RIMS4: variants seen among roughly 807,000 people sequenced by gnomAD.
RIMS4 encodes regulating synaptic membrane exocytosis protein 4.
Under a neutral mutation model 29.0 loss-of-function variants are expected in RIMS4, and 9 were observed. The ratio of observed to expected loss-of-function variants is 0.31; its 90% CI spans 0.19 to 0.54. The LOEUF (loss-of-function observed/expected upper bound fraction) is 0.54, where lower values mean the gene tolerates loss of function less well. Ranked by LOEUF, RIMS4 falls within the 20% of genes least tolerant of loss-of-function variation. The pLI, the probability that RIMS4 is intolerant of heterozygous loss-of-function variation, is 0.94. For missense variants in RIMS4, 193 were observed against 365.7 expected (o/e 0.53, Z 3.85); for synonymous variants, 130 against 152.9 (o/e 0.85, Z 1.10).
intron 1 of RIMS4, among the ~76,000 whole-genome samples, chr20:44,784,227 G>A (rs746417433): frequency 1.4e-4 from 21 of 152,166 alleles, no homozygotes; most frequent in Non-Finnish European, 2.1e-4. Context: ...AAAGGCCCAC[G>A]GATGAAAACG....
chr20:44,800,468 G>A lies in RIMS4; in HGVS notation c.97+9707C>T, dbSNP rs193114775. On this transcript the variant is annotated intron_variant, in intron 1 of 5. Coordinates refer to ENST00000372851, the MANE Select transcript of RIMS4 (RefSeq NM_182970.4). ...CAGGGGTGCCCAGGACACTTCCCCC[G>A]GATATTTTTCATGTGTTTAAAATGT... Among the ~76,000 whole-genome samples the A allele has an allele frequency of 1.6e-4, 24 of 152,024 alleles. No homozygotes were observed. The East Asian group carries it at 2.9e-3, about 18-fold the overall frequency.
chr20:44,764,170 CCATCCATCCATCCATCCA>C (rs2066101309), intron 2 of RIMS4, among the ~76,000 whole-genome samples: 1 of 151,534 alleles, frequency 6.6e-6, no homozygotes, highest in Non-Finnish European at 1.5e-5. Context: ...ATCCATCCAT[CCATCCATCCATCCATCCA>C]TTTATCCATC....
chr20:44,804,345 T>G (rs2066289295), intron 1 of RIMS4, among the ~76,000 whole-genome samples: 1 of 152,146 alleles, frequency 6.6e-6, no homozygotes, highest in Admixed American at 6.5e-5. Flanking sequence ...TTGCTTGAGG[T>G]CAGAGCCAGA....
chr20:44,803,661 G>A (rs1267805705), intron 1 of RIMS4, among the ~76,000 whole-genome samples: 2 of 152,254 alleles, frequency 1.3e-5, no homozygotes, highest in South Asian at 4.1e-4. Flanking sequence ...AAGGGGAGGG[G>A]GGAGGAAGGA....
intron 1 of RIMS4, among the ~76,000 whole-genome samples, chr20:44,789,450 C>G (rs2066223249): frequency 6.6e-6 from 1 of 152,160 alleles, no homozygotes; most frequent in African/African-American, 2.4e-5. Flanking sequence ...GCACCCGCCA[C>G]CACACCCGGC....
At chr20:44,762,721 A>G (rs996360457) in intron 2 of RIMS4, among the ~76,000 whole-genome samples, 1 of 152,142 alleles carries the variant, frequency 6.6e-6, no homozygotes, top group Non-Finnish European at 1.5e-5. Flanking sequence ...ATAGGTTATC[A>G]CGTCCTCCTG....
At chr20:44,808,905 G>A (rs1428942885) in intron 1 of RIMS4, among the ~76,000 whole-genome samples, 2 of 152,166 alleles carry the variant, frequency 1.3e-5, no homozygotes, top group Non-Finnish European at 1.5e-5. Flanking sequence ...TTTGTGGATG[G>A]TGCATATATG....
At chr20:44,805,222 C>T (rs1385243645) in intron 1 of RIMS4, among the ~76,000 whole-genome samples, 1 of 152,112 alleles carries the variant, frequency 6.6e-6, no homozygotes, top group African/African-American at 2.4e-5. Flanking sequence ...GAGAGGATCA[C>T]TTGAGCCCGG....
intron 1 of RIMS4, among the ~76,000 whole-genome samples, chr20:44,808,937 T>C (rs1197529690): frequency 2.0e-5 from 3 of 152,202 alleles, no homozygotes; most frequent in African/African-American, 4.8e-5. Context: ...AGATAGTCCA[T>C]GTTTTCCTCA....
At chr20:44,787,022 C>A (rs142356280) in intron 1 of RIMS4, among the ~76,000 whole-genome samples, 1 of 152,238 alleles carries the variant, frequency 6.6e-6, no homozygotes, top group African/African-American at 2.4e-5. Context: ...CAGACAAATA[C>A]AGAAAGATAG....
chr20:44,801,598 G>A (rs1029313570), intron 1 of RIMS4, among the ~76,000 whole-genome samples: 8 of 152,170 alleles, frequency 5.3e-5, no homozygotes, highest in African/African-American at 1.9e-4. Context: ...CGAAAAAGGA[G>A]CTAGACCTGA....
chr20:44,778,701 G>A (rs563644178), intron 1 of RIMS4, among the ~76,000 whole-genome samples: 1 of 152,204 alleles, frequency 6.6e-6, no homozygotes, highest in Non-Finnish European at 1.5e-5. Flanking sequence ...TAACCTCCCT[G>A]CTCCTTTTCA....
intron 1 of RIMS4, among the ~76,000 whole-genome samples, chr20:44,779,288 C>T (rs953175984): frequency 2.6e-5 from 4 of 152,134 alleles, no homozygotes; most frequent in Non-Finnish European, 4.4e-5. Flanking sequence ...AATTATATAT[C>T]GCACAGTTGT....
chr20:44,778,227 C>A (rs76981529), intron 1 of RIMS4, among the ~76,000 whole-genome samples: 371 of 152,328 alleles, frequency 2.4e-3, no homozygotes, highest in African/African-American at 8.6e-3. Flanking sequence ...GGGCCCTAAC[C>A]TTTCCCTTCT....
chr20:44,805,398 C>T (rs925439655), intron 1 of RIMS4, among the ~76,000 whole-genome samples: 1 of 152,188 alleles, frequency 6.6e-6, no homozygotes, highest in Non-Finnish European at 1.5e-5. Context: ...TGGTTCAATT[C>T]TCCATCATGC....
rs1353514118 is a variant in RIMS4, at chr20:44,755,651, C to T, written c.*483G>A. ...GCTCTGGGCCCCTGGGAGCTGGCTCCGGATCCTTGCAAAGCTGCCCCTTCA... is the reference window on the plus strand; with the variant it reads ...GCTCTGGGCCCCTGGGAGCTGGCTCTGGATCCTTGCAAAGCTGCCCCTTCA... On this transcript the variant is annotated 3_prime_UTR_variant, in exon 6 of 6. Coordinates refer to ENST00000372851, the MANE Select transcript of RIMS4 (RefSeq NM_182970.4). 2 of 154,256 alleles carry T rather than the reference C, an allele frequency of 1.3e-5. No individual in the cohort carries two copies. The highest frequency in any genetic ancestry group is 6.4e-5 in the Admixed American group (1 of 15,620). 9.6% of individuals were successfully genotyped at this position (154,256 alleles called of 1,614,324 possible). A position where few individuals can be genotyped will look rare whatever the true frequency, so the allele number is the denominator to read the frequency against.
Position 44,752,289 on chromosome 20 carries a change from CAATA to C in RIMS4, c.*3841_*3844del. 1 of 152,238 alleles carries C rather than the reference CAATA, an allele frequency of 6.6e-6. No homozygotes were observed. Among genetic ancestry groups the C allele is most frequent in the East Asian group, 1.9e-4 (1 of 5,200 alleles). 9.4% of individuals were successfully genotyped at this position (152,238 alleles called of 1,614,324 possible). A position where few individuals can be genotyped will look rare whatever the true frequency, so the allele number is the denominator to read the frequency against. On this transcript the variant is annotated 3_prime_UTR_variant, in exon 6 of 6. Transcript: ENST00000372851. ...CTGGGCCTGACACAGCACTGCTGCT[CAATA>C]AATAAATGCAGGTGACCTTGCCTGA...
At chr20:44,757,184 G>C in intron 4 of RIMS4, 147 bp from the exon 5 acceptor site, 1 of 871,680 alleles carries the variant, frequency 1.1e-6, no homozygotes, top group South Asian at 1.7e-5. Context: ...CACATGGGGG[G>C]TGGGCATTTG....
At chr20:44,773,589 G>T (rs1016874665) in intron 1 of RIMS4, among the ~76,000 whole-genome samples, 2 of 152,018 alleles carry the variant, frequency 1.3e-5, no homozygotes, top group Non-Finnish European at 2.9e-5. Flanking sequence ...TCTGCTGAGC[G>T]CTGTTCAGGT....
Sources: gnomAD v4.1 joint callset for allele counts (sites outside exome capture counted in the v4.1 genomes callset) on GRCh38, gnomAD v4.1.1 for gene constraint, MANE v1.5 for transcripts, NCBI Gene and HGNC (gene_info 2026-07-23, HGNC 2026-07-21) for gene names.